EXOC6: variants seen among roughly 807,000 people sequenced by gnomAD.
The protein encoded by EXOC6 is SEC15-like 1.
Under a neutral mutation model 112.5 loss-of-function variants are expected in EXOC6, and 60 were observed. That is an observed-to-expected ratio of 0.53 (90% CI 0.43 to 0.66). The LOEUF is 0.66. EXOC6 is among the 30% of genes least tolerant of loss of function. The pLI is 0.00. For missense variants in EXOC6, 855 were observed against 957.1 expected (o/e 0.89, Z 1.41); for synonymous variants, 295 against 308.0 (o/e 0.96, Z 0.44).
intron 1 of EXOC6, among the ~76,000 whole-genome samples, chr10:92,863,440 C>G (rs1848002142): frequency 6.6e-6 from 1 of 152,088 alleles, no homozygotes; most frequent in Admixed American, 6.5e-5. Context: ...CTGAACTGTT[C>G]TAGGGTTCCT....
intron 20 of EXOC6, among the ~76,000 whole-genome samples, chr10:93,036,942 C>CT (rs1167363316): frequency 6.6e-6 from 1 of 152,018 alleles, no homozygotes; most frequent in Non-Finnish European, 1.5e-5. Flanking sequence ...TATTCCTGCT[C>CT]TTTTTTTCAC....
intron 18 of EXOC6, among the ~76,000 whole-genome samples, chr10:92,984,847 A>G (rs577441582): frequency 1.3e-5 from 2 of 152,106 alleles, no homozygotes; most frequent in East Asian, 3.9e-4. Context: ...AAAATACAAA[A>G]AATCAGCCGG....
At chr10:92,957,702 T>C (rs940836994) in intron 17 of EXOC6, among the ~76,000 whole-genome samples, 1 of 152,220 alleles carries the variant, frequency 6.6e-6, no homozygotes, top group African/African-American at 2.4e-5. Context: ...TCAAGTATTT[T>C]TCAGTTCTGT....
At chr10:92,975,930 C>A (rs1379596552) in intron 18 of EXOC6, among the ~76,000 whole-genome samples, 1 of 138,526 alleles carries the variant, frequency 7.2e-6, no homozygotes, top group African/African-American at 2.8e-5. Context: ...GGGGGGTCAG[C>A]CCCCCGCCCG....
At chr10:92,888,273 G>A (rs1283685813) in intron 1 of EXOC6, among the ~76,000 whole-genome samples, 1 of 152,154 alleles carries the variant, frequency 6.6e-6, no homozygotes. Flanking sequence ...TAGCACAACA[G>A]AAAAAGAGGA....
intron 20 of EXOC6, among the ~76,000 whole-genome samples, chr10:93,050,276 C>G (rs998687565): frequency 6.6e-6 from 1 of 152,154 alleles, no homozygotes; most frequent in Non-Finnish European, 1.5e-5. Context: ...AAAGGCCAGA[C>G]GCAGTGGCTC....
intron 13 of EXOC6, among the ~76,000 whole-genome samples, chr10:92,946,879 G>T (rs1359328970): frequency 6.6e-6 from 1 of 151,994 alleles, no homozygotes; most frequent in Non-Finnish European, 1.5e-5. Context: ...TGTTCTTCAC[G>T]TACTCTGATA....
intron 1 of EXOC6, among the ~76,000 whole-genome samples, chr10:92,876,467 A>T (rs893805637): frequency 3.9e-5 from 6 of 152,180 alleles, no homozygotes; most frequent in African/African-American, 7.2e-5. Flanking sequence ...GTAGATGTGG[A>T]TGCAGGCCAG....
At chr10:93,003,861 A>C (rs555167370) in intron 19 of EXOC6, among the ~76,000 whole-genome samples, 1 of 152,224 alleles carries the variant, frequency 6.6e-6, no homozygotes, top group Non-Finnish European at 1.5e-5. Context: ...CACCAAAAGC[A>C]GGGAAGGGCA....
intron 20 of EXOC6, among the ~76,000 whole-genome samples, chr10:93,035,787 G>A (rs891422009): frequency 6.6e-6 from 1 of 152,158 alleles, no homozygotes; most frequent in Non-Finnish European, 1.5e-5. Flanking sequence ...CCTGGCCTGC[G>A]GAGGTTGCAG....
chr10:92,881,599 C>T (rs1480565705), intron 1 of EXOC6, among the ~76,000 whole-genome samples: 6 of 152,134 alleles, frequency 3.9e-5, no homozygotes, highest in African/African-American at 1.4e-4. Flanking sequence ...TAGAAGGAAT[C>T]TTCCTTTTTC....
At chr10:92,860,219 A>G (rs1847840252) in intron 1 of EXOC6, among the ~76,000 whole-genome samples, 1 of 150,938 alleles carries the variant, frequency 6.6e-6, no homozygotes, top group African/African-American at 2.4e-5. Flanking sequence ...TTTGGCATTA[A>G]GTACAATTTA....
At chr10:92,921,821 G>A (rs1371381805) in intron 8 of EXOC6, among the ~76,000 whole-genome samples, 1 of 151,390 alleles carries the variant, frequency 6.6e-6, no homozygotes, top group Non-Finnish European at 1.5e-5. Context: ...GCTAATTTTT[G>A]TATTTTTGGT....
intron 1 of EXOC6, among the ~76,000 whole-genome samples, chr10:92,865,399 G>C (rs1177972790): frequency 6.6e-6 from 1 of 152,000 alleles, no homozygotes; most frequent in African/African-American, 2.4e-5. Flanking sequence ...AGCCAGGCGT[G>C]GTGGCGTGCG....
chr10:92,918,793 TGTA>T (rs1851265994), intron 7 of EXOC6, among the ~76,000 whole-genome samples: 1 of 152,270 alleles, frequency 6.6e-6, no homozygotes, highest in Admixed American at 6.5e-5. Flanking sequence ...CAAATATATA[TGTA>T]GTATATATGT....
At chr10:92,923,997 C>A (rs568595916) in intron 8 of EXOC6, among the ~76,000 whole-genome samples, 1 of 152,198 alleles carries the variant, frequency 6.6e-6, no homozygotes, top group East Asian at 1.9e-4. Flanking sequence ...CATTTTTGCA[C>A]AAATTTCTGT....
intron 17 of EXOC6, among the ~76,000 whole-genome samples, chr10:92,971,815 G>T (rs1842310824): frequency 6.6e-6 from 1 of 152,018 alleles, no homozygotes; most frequent in Non-Finnish European, 1.5e-5. Flanking sequence ...GTTTCTATTG[G>T]TTGCTTTTTT....
At chr10:92,869,036 A>G (rs559127375) in intron 1 of EXOC6, among the ~76,000 whole-genome samples, 16 of 152,224 alleles carry the variant, frequency 1.1e-4, no homozygotes, top group African/African-American at 3.6e-4. Flanking sequence ...GGAAACATTC[A>G]TCAATACCCA....
intron 18 of EXOC6, among the ~76,000 whole-genome samples, chr10:92,983,655 C>T (rs923759956): frequency 3.3e-5 from 5 of 151,926 alleles, no homozygotes; most frequent in Middle Eastern, 3.4e-3. Flanking sequence ...TACAGGCGTG[C>T]GCCACCACGC....
Sources: gnomAD v4.1 joint callset for allele counts (sites outside exome capture counted in the v4.1 genomes callset) on GRCh38, gnomAD v4.1.1 for gene constraint, MANE v1.5 for transcripts, NCBI Gene and HGNC (gene_info 2026-07-23, HGNC 2026-07-21) for gene names.